WASHC2C: variants seen among roughly 807,000 people sequenced by gnomAD.
WASHC2C encodes WASH complex subunit 2C, also known as Vaccinia Penetration Factor.
A neutral mutation model predicts 142.2 loss-of-function variants in WASHC2C; 73 were observed. The observed-to-expected ratio is 0.51, with a 90% CI of 0.43 to 0.62. The LOEUF is 0.62. Among genes scored for constraint, WASHC2C ranks in the 20% least tolerant of loss-of-function variants. The probability of loss-of-function intolerance (pLI) is 0.00; values close to 1 mark genes in which losing one functional copy is unlikely to be tolerated. For missense variants in WASHC2C, 969 were observed against 1,531.7 expected (o/e 0.63, Z 6.13); for synonymous variants, 337 against 565.5 (o/e 0.60, Z 5.73).
Position 45,792,910 on chromosome 10 carries a change from G to T in WASHC2C, c.*510G>T. The T allele has an allele frequency of 2.1e-6, 1 of 469,084 alleles. No homozygotes were observed. Among genetic ancestry groups the T allele is most frequent in the Non-Finnish European group, 4.4e-6 (1 of 227,170 alleles). 29.1% of individuals were successfully genotyped at this position (469,084 alleles called of 1,614,324 possible). A position where few individuals can be genotyped will look rare whatever the true frequency, so the allele number is the denominator to read the frequency against. On this transcript the variant is annotated 3_prime_UTR_variant, in exon 31 of 31. Coordinates refer to ENST00000623400, the MANE Select transcript of WASHC2C (RefSeq NM_001330074.2). ...CCTCCAAGGCAAAGTTTGGCAAACT[G>T]TGGCCCCCCCACTGTCATATTTTGT...
At chr10:45,773,382 G>A in intron 21 of WASHC2C, 24 bp downstream of exon 21, 1 of 610,032 alleles carries the variant, frequency 1.6e-6, no homozygotes, top group Non-Finnish European at 3.0e-6. Context: ...CTTAGTCCCA[G>A]GAAATGTCCT....
At chr10:45,765,341 G>T (rs1360398075) in intron 18 of WASHC2C, among the ~76,000 whole-genome samples, 6 of 151,244 alleles carry the variant, frequency 4.0e-5, no homozygotes, top group Admixed American at 2.0e-4. Context: ...CCCATCGCAG[G>T]CTGTAACCAC....
At chr10:45,727,183 G>A (rs2049941113), upstream of WASHC2C, 1 of 1,457,652 alleles carries the variant, frequency 6.9e-7, no homozygotes. Context: ...GATCACGTGC[G>A]GGTTCTGTCA....
chr10:45,744,673 C>T, intron 6 of WASHC2C, 148 bp from the exon 7 acceptor site: 1 of 594,828 alleles, frequency 1.7e-6, no homozygotes, highest in Non-Finnish European at 3.1e-6. Flanking sequence ...TAATTCCTCA[C>T]CATAATGACA....
At chr10:45,752,026 A>G (rs1304410131) in intron 11 of WASHC2C, among the ~76,000 whole-genome samples, 3 of 152,202 alleles carry the variant, frequency 2.0e-5, no homozygotes, top group Admixed American at 6.5e-5. Flanking sequence ...CTGGGAGGAT[A>G]TGTGGGTGTG....
intron 16 of WASHC2C, among the ~76,000 whole-genome samples, chr10:45,758,068 T>C (rs1187849767): frequency 6.7e-6 from 1 of 149,896 alleles, no homozygotes; most frequent in African/African-American, 2.4e-5. Flanking sequence ...TCCCACATCT[T>C]TTTTTTTTTA....
chr10:45,781,246 T>TA (rs1554887926), intron 23 of WASHC2C, among the ~76,000 whole-genome samples: 1 of 152,252 alleles, frequency 6.6e-6, no homozygotes, highest in Non-Finnish European at 1.5e-5. Context: ...AGACATCTTG[T>TA]GTTTATGGAC....
chr10:45,737,080 G>A (rs2051365095), intron 3 of WASHC2C, among the ~76,000 whole-genome samples: 1 of 150,722 alleles, frequency 6.6e-6, no homozygotes, highest in South Asian at 2.1e-4. Flanking sequence ...CCAAGCTCAA[G>A]AGTTCCTCCT....
chr10:45,736,405 C>CAAAAAAAAAA (rs71520974), intron 3 of WASHC2C, among the ~76,000 whole-genome samples: 3 of 24,558 alleles, frequency 1.2e-4, no homozygotes, highest in African/African-American at 2.8e-4. Flanking sequence ...GACTCCATCT[C>CAAAAAAAAAA]AAAAAAAAAA....
chr10:45,731,105 GT>G (rs1193612111), intron 3 of WASHC2C, among the ~76,000 whole-genome samples: 1 of 146,940 alleles, frequency 6.8e-6, no homozygotes, highest in African/African-American at 2.5e-5. Context: ...CCATGTTGTA[GT>G]TTTTGTGGAG....
chr10:45,778,467 CA>C (rs2057251872), intron 22 of WASHC2C, among the ~76,000 whole-genome samples: 1 of 95,180 alleles, frequency 1.1e-5, no homozygotes, highest in Non-Finnish European at 2.1e-5. Context: ...AGAATTATTT[CA>C]GAGATTCTTC....
intron 3 of WASHC2C, among the ~76,000 whole-genome samples, chr10:45,731,867 C>G (rs1316587295): frequency 6.7e-6 from 1 of 148,996 alleles, no homozygotes; most frequent in Non-Finnish European, 1.5e-5. Flanking sequence ...CAATCTCAGC[C>G]CACTGCAAGC....
intron 20 of WASHC2C, among the ~76,000 whole-genome samples, chr10:45,772,610 G>C (rs1554885064): frequency 6.6e-6 from 1 of 152,198 alleles, no homozygotes; most frequent in Admixed American, 6.5e-5. Flanking sequence ...GTAGCTACTT[G>C]AGAGGCTAAG....
chr10:45,727,569 C>T (rs777839098), intron 2 of WASHC2C, 30 bp downstream of exon 2: 7 of 1,551,658 alleles, frequency 4.5e-6, no homozygotes, highest in Admixed American at 3.9e-5. Flanking sequence ...GACGCGAGAG[C>T]GGCAGGGGTG....
At chr10:45,727,649 C>G (rs367820630) in intron 2 of WASHC2C, 110 bp downstream of exon 2, 1 of 1,294,048 alleles carries the variant, frequency 7.7e-7, no homozygotes, top group African/African-American at 1.5e-5. Flanking sequence ...GTTGCCTGCC[C>G]TCTTAGGAAC....
intron 4 of WASHC2C, among the ~76,000 whole-genome samples, chr10:45,738,694 A>G (rs1257688312): frequency 6.6e-6 from 1 of 152,016 alleles, no homozygotes; most frequent in Non-Finnish European, 1.5e-5. Context: ...ATTTTATTTT[A>G]TTTTTTATTT....
In WASHC2C at chr10:45,792,247, T is replaced by A; in HGVS notation, c.3887-14T>A. On this transcript the variant is annotated splice_polypyrimidine_tract_variant and intron_variant, in intron 30 of 30. Coordinates refer to ENST00000623400, the MANE Select transcript of WASHC2C (RefSeq NM_001330074.2). The stretch of plus-strand genomic sequence containing the variant: ...CCCCTCTTCAGCAACTGTTTTTCTT[T>A]TTTCTTTCTAAAGATGACATCTTCT... 6.4e-7 allele frequency: 1 copy of A among 1,563,760 alleles called. No homozygotes were observed. The highest frequency in any genetic ancestry group is 8.7e-7 in the Non-Finnish European group (1 of 1,145,866).
At position 45,782,546 on chromosome 10, in the gene WASHC2C, A is replaced by G. The variant is rs1490283814; in HGVS notation, c.2479-2019A>G. ...GAACAGTACAACCACTTTGGAGAAC[A>G]GTTTGCTGTTCTTCAAATTCTTATA... On this transcript the variant is annotated intron_variant, in intron 23 of 30. Coordinates refer to ENST00000623400, the MANE Select transcript of WASHC2C (RefSeq NM_001330074.2). Among the ~76,000 whole-genome samples, 1,315 of 150,694 alleles carry G rather than the reference A, an allele frequency of 8.7e-3. 7 individuals carry two copies. The highest frequency in any genetic ancestry group is 0.031 in the African/African-American group (1,270 of 41,048).
intron 3 of WASHC2C, among the ~76,000 whole-genome samples, chr10:45,734,136 A>G (rs2050927104): frequency 6.6e-6 from 1 of 152,126 alleles, no homozygotes; most frequent in African/African-American, 2.4e-5. Flanking sequence ...GAGGCAGGAG[A>G]AGGGCATGAA....
Sources: allele counts gnomAD v4.1 joint callset (sites outside exome capture counted in the v4.1 genomes callset), GRCh38; gene constraint gnomAD v4.1.1; transcripts MANE v1.5; gene names NCBI Gene and HGNC (gene_info 2026-07-23, HGNC 2026-07-21).